MACROD2: variants seen among roughly 807,000 people sequenced by gnomAD.
The protein encoded by MACROD2 is mono-ADP ribosylhydrolase 2.
Under a neutral mutation model 70.4 loss-of-function variants are expected in MACROD2, and 36 were observed. That is an observed-to-expected ratio of 0.51 (90% CI 0.39 to 0.68). MACROD2 has a LOEUF of 0.68. Ranked by LOEUF, MACROD2 falls within the 30% of genes least tolerant of loss-of-function variation. MACROD2 has a pLI of 0.00. For missense variants in MACROD2, 496 were observed against 538.4 expected (o/e 0.92, Z 0.78); for synonymous variants, 172 against 178.8 (o/e 0.96, Z 0.30).
intron 6 of MACROD2, among the ~76,000 whole-genome samples, chr20:15,276,969 A>G (rs1218660038): frequency 6.6e-6 from 1 of 152,234 alleles, no homozygotes; most frequent in African/African-American, 2.4e-5. Flanking sequence ...GAAAAATATA[A>G]TTGGTATCAG....
At chr20:14,191,540 A>G (rs1218876438) in intron 3 of MACROD2, among the ~76,000 whole-genome samples, 1 of 152,234 alleles carries the variant, frequency 6.6e-6, no homozygotes, top group Non-Finnish European at 1.5e-5. Flanking sequence ...AGATAGGTAA[A>G]TACATAAAAA....
At chr20:15,891,441 T>C (rs917924659) in intron 10 of MACROD2, among the ~76,000 whole-genome samples, 1 of 152,156 alleles carries the variant, frequency 6.6e-6, no homozygotes, top group Non-Finnish European at 1.5e-5. Context: ...AGCAATGTGA[T>C]CTGGTTTATG....
intron 3 of MACROD2, among the ~76,000 whole-genome samples, chr20:14,250,942 G>A (rs927144119): frequency 1.3e-4 from 20 of 151,970 alleles, no homozygotes; most frequent in African/African-American, 4.8e-4. Context: ...GAACAGAAAA[G>A]TTCTAATTGA....
intron 8 of MACROD2, among the ~76,000 whole-genome samples, chr20:15,712,639 A>G (rs2050644919): frequency 6.6e-6 from 1 of 152,118 alleles, no homozygotes; most frequent in Non-Finnish European, 1.5e-5. Flanking sequence ...GGCAGCTCTC[A>G]TTTTGGCTTC....
At chr20:14,857,801 G>A (rs2073271119) in intron 5 of MACROD2, among the ~76,000 whole-genome samples, 1 of 110,122 alleles carries the variant, frequency 9.1e-6, no homozygotes, top group Non-Finnish European at 2.2e-5. Context: ...AGGGAACTGT[G>A]CTTTTTTTGT....
intron 13 of MACROD2, among the ~76,000 whole-genome samples, chr20:15,976,490 G>A (rs1418416737): frequency 1.3e-5 from 2 of 152,200 alleles, no homozygotes; most frequent in African/African-American, 4.8e-5. Context: ...ATGTGAAGAG[G>A]GAAACATAAA....
At chr20:15,859,790 GGCT>G in intron 8 of MACROD2, among the ~76,000 whole-genome samples, 1 of 121,812 alleles carries the variant, frequency 8.2e-6, no homozygotes, top group Non-Finnish European at 1.9e-5. Flanking sequence ...AAATAAGTTG[GGCT>G]GCTGAGTTTT....
intron 2 of MACROD2, among the ~76,000 whole-genome samples, chr20:14,019,820 G>C (rs1343448349): frequency 6.6e-6 from 1 of 152,144 alleles, no homozygotes; most frequent in East Asian, 1.9e-4. Context: ...GTTACTTATA[G>C]GAGTAATTGG....
rs190366032 is a variant in MACROD2, at chr20:15,305,491, G to T, written c.540+75430G>T. On this transcript the variant is annotated intron_variant, in intron 6 of 17. Transcript: ENST00000684519. ...CTGTTTGTTGCTATTGTTTGCTGGG[G>T]TTTTTTTAGTTCACTGCCTTCTATC... Among the ~76,000 whole-genome samples, 785 of 152,150 alleles carry T rather than the reference G, an allele frequency of 5.2e-3. 2 individuals are homozygous for T. The highest frequency in any genetic ancestry group is 0.02 in the Middle Eastern group (6 of 294).
At chr20:15,412,332 G>C (rs187034648) in intron 6 of MACROD2, among the ~76,000 whole-genome samples, 12 of 152,186 alleles carry the variant, frequency 7.9e-5, no homozygotes, top group African/African-American at 2.6e-4. Context: ...AAAAGATCAA[G>C]AAGCGAAGAA....
chr20:14,025,363 C>G (rs1387969975), intron 2 of MACROD2, among the ~76,000 whole-genome samples: 2 of 152,146 alleles, frequency 1.3e-5, no homozygotes, highest in African/African-American at 4.8e-5. Context: ...TCTGTATCTC[C>G]TTCAGTTCTG....
chr20:15,162,422 A>G (rs1450262746), intron 5 of MACROD2, among the ~76,000 whole-genome samples: 1 of 152,058 alleles, frequency 6.6e-6, no homozygotes, highest in Non-Finnish European at 1.5e-5. Context: ...TTCGTGGTGA[A>G]AGGGTGGTCC....
At chr20:14,765,369 A>G (rs1030074385) in intron 5 of MACROD2, among the ~76,000 whole-genome samples, 1 of 96,432 alleles carries the variant, frequency 1.0e-5, no homozygotes, top group Non-Finnish European at 2.2e-5. Context: ...CTTCTGCCAT[A>G]TTCCTGCCAT....
At chr20:15,154,437 G>A (rs1266269644) in intron 5 of MACROD2, among the ~76,000 whole-genome samples, 3 of 152,214 alleles carry the variant, frequency 2.0e-5, no homozygotes, top group Non-Finnish European at 4.4e-5. Flanking sequence ...TGAGTCACAT[G>A]ACATTAGCAC....
chr20:15,781,756 A>G (rs1171175635), intron 8 of MACROD2, among the ~76,000 whole-genome samples: 2 of 152,178 alleles, frequency 1.3e-5, no homozygotes, highest in Non-Finnish European at 2.9e-5. Flanking sequence ...TCATAGCAGC[A>G]GAGATAATGA....
chr20:14,553,876 TAA>T (rs1978840935), intron 4 of MACROD2, among the ~76,000 whole-genome samples: 2 of 152,190 alleles, frequency 1.3e-5, no homozygotes, highest in African/African-American at 4.8e-5. Context: ...TTCCATGGTC[TAA>T]GACATTTCAA....
chr20:15,491,743 A>T (rs186310250), intron 7 of MACROD2, among the ~76,000 whole-genome samples: 55 of 152,304 alleles, frequency 3.6e-4, no homozygotes, highest in African/African-American at 1.2e-3. Context: ...CATGTGGCAA[A>T]GTGAGCTCTG....
At chr20:14,442,545 C>G (rs887625175) in intron 3 of MACROD2, among the ~76,000 whole-genome samples, 1 of 152,034 alleles carries the variant, frequency 6.6e-6, no homozygotes, top group African/African-American at 2.4e-5. Context: ...CTTTCTCTTT[C>G]TCTTCTTCTC....
intron 5 of MACROD2, among the ~76,000 whole-genome samples, chr20:15,135,101 C>G (rs1383383775): frequency 4.0e-5 from 6 of 151,860 alleles, no homozygotes; most frequent in Non-Finnish European, 8.8e-5. Context: ...GAGTCCAGGA[C>G]CAGATGGATT....
Sources: gnomAD v4.1 joint callset for allele counts (sites outside exome capture counted in the v4.1 genomes callset) on GRCh38, gnomAD v4.1.1 for gene constraint, MANE v1.5 for transcripts, NCBI Gene and HGNC (gene_info 2026-07-23, HGNC 2026-07-21) for gene names.